The following DDX46 variants were observed in gnomAD, a reference collection of about 807,000 sequenced individuals.
DDX46 encodes the protein probable ATP-dependent RNA helicase DDX46.
In DDX46, 30 loss-of-function variants were observed where a neutral mutation model predicts 134.9. The ratio of observed to expected loss-of-function variants is 0.22; its 90% CI spans 0.17 to 0.30. DDX46 has a LOEUF of 0.30. DDX46 is among the 10% of genes least tolerant of loss of function. The probability of loss-of-function intolerance (pLI) is 1.00; values close to 1 mark genes in which losing one functional copy is unlikely to be tolerated. For missense variants in DDX46, 622 were observed against 1,248.7 expected (o/e 0.50, Z 7.56); for synonymous variants, 415 against 404.1 (o/e 1.03, Z -0.32).
chr5:134,823,487 A>G (rs1755510644), intron 21 of DDX46, among the ~76,000 whole-genome samples: 1 of 152,200 alleles, frequency 6.6e-6, no homozygotes, highest in South Asian at 2.1e-4. Context: ...CCATTGAGTC[A>G]TGGTAAGTTT....
intron 15 of DDX46, among the ~76,000 whole-genome samples, chr5:134,804,548 C>A (rs1165459762): frequency 6.6e-6 from 1 of 152,156 alleles, no homozygotes; most frequent in African/African-American, 2.4e-5. Context: ...AGGTGATCCT[C>A]CCACCTCAGC....
rs1029198262 is a variant in DDX46, at chr5:134,830,420, G to T, written c.*1714G>T. On this transcript the variant is annotated 3_prime_UTR_variant, in exon 23 of 23. Transcript: ENST00000452510. ...GGGTTTAAGGGGTGTCCTGCAATCA[G>T]TCCCCCTCTCATACCAAAGGATGAC... The T allele has an allele frequency of 2.6e-5, 4 of 151,652 alleles. No individual in the cohort carries two copies. The highest frequency in any genetic ancestry group is 4.4e-5 in the Non-Finnish European group (3 of 68,020). 9.4% of individuals were successfully genotyped at this position (151,652 alleles called of 1,614,324 possible). A position where few individuals can be genotyped will look rare whatever the true frequency, so the allele number is the denominator to read the frequency against.
At chr5:134,782,150 T>A (rs1754173923) in intron 8 of DDX46, 64 bp downstream of exon 8, 6 of 1,425,826 alleles carry the variant, frequency 4.2e-6, no homozygotes, top group Non-Finnish European at 4.7e-6. Flanking sequence ...TTCACATTGC[T>A]CAAGAGAAAT....
chr5:134,802,440 GC>G (rs1333469365), intron 15 of DDX46, among the ~76,000 whole-genome samples: 4 of 151,310 alleles, frequency 2.6e-5, no homozygotes, highest in Non-Finnish European at 5.9e-5. Context: ...GAGGTTACAG[GC>G]GTGAGCCACC....
chr5:134,771,982 C>A (rs1052750291), intron 4 of DDX46, among the ~76,000 whole-genome samples: 1 of 150,004 alleles, frequency 6.7e-6, no homozygotes, highest in Non-Finnish European at 1.5e-5. Flanking sequence ...TGTAATCTCA[C>A]CACTTTGGGA....
Position 134,781,062 on chromosome 5 carries a change from T to C in DDX46, c.766-71T>C, listed in dbSNP as rs942924322. The C allele has an allele frequency of 4.8e-6, 5 of 1,050,144 alleles. No homozygotes were observed. The East Asian group carries it at 1.1e-4, about 23-fold the overall frequency. 65.1% of individuals were successfully genotyped at this position (1,050,144 alleles called of 1,614,324 possible). ...CTAAAGATGAAATTGTGTCAGTTAC[T>C]GTGTGCTTCAGCAGTCATATAACTT... On this transcript the variant is annotated intron_variant, in intron 6 of 22. Coordinates refer to ENST00000452510, the MANE Select transcript of DDX46 (RefSeq NM_001300860.2).
intron 12 of DDX46, 34 bp from the exon 13 acceptor site, chr5:134,790,436 T>A (rs1295355208): frequency 6.3e-7 from 1 of 1,577,726 alleles, no homozygotes; most frequent in Non-Finnish European, 8.6e-7. Flanking sequence ...GATTTTTAGT[T>A]TTCTTTTTGT....
chr5:134,817,822 T>A, intron 20 of DDX46, 108 bp downstream of exon 20: 1 of 865,728 alleles, frequency 1.2e-6, no homozygotes, highest in Non-Finnish European at 1.8e-6. Flanking sequence ...CTTCACTCTT[T>A]ACCTAAATGG....
In DDX46 at chr5:134,784,587, G is replaced by A. The variant is rs201890053; in HGVS notation, c.1342+46G>A. 6.7e-5 allele frequency: 103 copies of A among 1,531,862 alleles called. No individual in the cohort carries two copies. In the East Asian group the frequency reaches 2.1e-3, roughly 32 times the overall value. 94.9% of individuals were successfully genotyped at this position (1,531,862 alleles called of 1,614,324 possible). A position where few individuals can be genotyped will look rare whatever the true frequency, so the allele number is the denominator to read the frequency against. ...CTATTTTTCAAATAACAGCTTTGTT[G>A]TCAAACAGAAAGACCTTATAGTTTA... On this transcript the variant is annotated intron_variant, in intron 10 of 22. Coordinates refer to ENST00000452510, the MANE Select transcript of DDX46 (RefSeq NM_001300860.2).
At chr5:134,800,000 T>C (rs1362861288) in intron 15 of DDX46, among the ~76,000 whole-genome samples, 2 of 152,096 alleles carry the variant, frequency 1.3e-5, no homozygotes, top group Non-Finnish European at 2.9e-5. Flanking sequence ...CAGGCTGGAG[T>C]GCAGTGGCAT....
Position 134,785,451 on chromosome 5 carries a change from A to G in DDX46, c.1343-14A>G, listed in dbSNP as rs759165831. On this transcript the variant is annotated splice_polypyrimidine_tract_variant and intron_variant, in intron 10 of 22. Coordinates refer to ENST00000452510, the MANE Select transcript of DDX46 (RefSeq NM_001300860.2). The stretch of plus-strand genomic sequence containing the variant: ...ATTTTGGTGGTTAGGCTACTGATGT[A>G]TTTATCTTTCCAGCTGTCATCATGA... The G allele has an allele frequency of 1.9e-6, 3 of 1,610,760 alleles. No individual in the cohort carries two copies. The highest frequency in any genetic ancestry group is 2.7e-5 in the African/African-American group (2 of 74,790).
At chr5:134,825,224 C>T (rs886205662) in intron 21 of DDX46, among the ~76,000 whole-genome samples, 2 of 152,128 alleles carry the variant, frequency 1.3e-5, no homozygotes, top group African/African-American at 2.4e-5. Context: ...TACCAAGCAA[C>T]GTGTTTTCCT....
chr5:134,820,864 C>CTTTT (rs1180909732), intron 21 of DDX46, among the ~76,000 whole-genome samples: 27 of 123,224 alleles, frequency 2.2e-4, no homozygotes, highest in African/African-American at 4.3e-4. Flanking sequence ...CTTTTCTTTT[C>CTTTT]TTTTTTTTTT....
rs775046354 is a variant in DDX46 at position 134,764,018 on chromosome 5, T to G, written c.132T>G (p.Asp44Glu). 10 of 1,613,846 alleles carry G rather than the reference T, an allele frequency of 6.2e-6. No individual in the cohort carries two copies. Among genetic ancestry groups the G allele is most frequent in the East Asian group, 2.2e-5 (1 of 44,880 alleles). ...ATGACAGACGGTCTAGAAGTAGAGA[T>G]AGAGATAGGAGGAGAGAGAGGTCTC... ...RGDDRRSRSR[D>E]RDRRRERSRS... The change falls in exon 2 of 23, where the codon GAT becomes GAG. Residue 44 changes from aspartate to glutamate, a missense_variant. Physicochemically the swap from Asp to Glu is conservative, Grantham distance 45. Around this residue, in one of 8 missense-constraint regions of DDX46, gnomAD observed 244 missense variants for 349.3 expected, o/e 0.70. Coordinates refer to ENST00000452510, the MANE Select transcript of DDX46 (RefSeq NM_001300860.2).
intron 3 of DDX46, among the ~76,000 whole-genome samples, chr5:134,769,883 G>A (rs1181570069): frequency 6.6e-6 from 1 of 152,078 alleles, no homozygotes; most frequent in South Asian, 2.1e-4. Context: ...GGATGGTCTC[G>A]ATCTCCTGAC....
chr5:134,815,639 G>A (rs578248051), intron 18 of DDX46, among the ~76,000 whole-genome samples: 7 of 145,384 alleles, frequency 4.8e-5, no homozygotes, highest in South Asian at 4.4e-4. Flanking sequence ...CCTGGGAGGC[G>A]GATCTTGCAG....
At chr5:134,785,408 T>C (rs745417386) in intron 10 of DDX46, 57 bp from the exon 11 acceptor site, 47 of 1,576,552 alleles carry the variant, frequency 3.0e-5, no homozygotes, top group Non-Finnish European at 3.7e-5. Flanking sequence ...TTGAACACTA[T>C]AAAGCACAGC....
chr5:134,795,191 A>G (rs1370741976), intron 14 of DDX46, among the ~76,000 whole-genome samples, 177 bp downstream of exon 14: 1 of 147,840 alleles, frequency 6.8e-6, no homozygotes, highest in African/African-American at 2.5e-5. Flanking sequence ...CCACGGAGCT[A>G]TTTAAAATGC....
chr5:134,821,842 A>G (rs1471153946), intron 21 of DDX46, among the ~76,000 whole-genome samples: 3 of 150,430 alleles, frequency 2.0e-5, no homozygotes, highest in African/African-American at 4.9e-5. Context: ...GGCAGGAGCC[A>G]CCACGCCCGG....
Sources: allele counts gnomAD v4.1 joint callset (sites outside exome capture counted in the v4.1 genomes callset), GRCh38; gene constraint gnomAD v4.1.1; regional missense constraint gnomAD v4.1.1; transcripts MANE v1.5; gene names NCBI Gene and HGNC (gene_info 2026-07-23, HGNC 2026-07-21).